The following TRIM8 variants were observed in gnomAD, a reference collection of about 807,000 sequenced individuals.
The protein encoded by TRIM8 is E3 ubiquitin-protein ligase TRIM8.
A neutral mutation model predicts 55.7 loss-of-function variants in TRIM8; 9 were observed. That is an observed-to-expected ratio of 0.16 (90% CI 0.10 to 0.28). The LOEUF (loss-of-function observed/expected upper bound fraction) is 0.28. Ranked by LOEUF, TRIM8 falls within the 10% of genes least tolerant of loss-of-function variation. The pLI is 1.00. For missense variants in TRIM8, 556 were observed against 736.4 expected (o/e 0.76, Z 2.83); for synonymous variants, 335 against 333.3 (o/e 1.01, Z -0.06).
rs1431662769 is a variant in TRIM8 at position 102,656,463 on chromosome 10, G to C, written c.1048+78G>C. The C allele has an allele frequency of 1.1e-5, 17 of 1,538,654 alleles. No homozygotes were observed. The Admixed American group carries it at 3.4e-4, about 30-fold the overall frequency. ...CAGCGCCACAGCCTTCCCTCCAAGAGGCAGTGTGGCCCAGTCTGGGAGACC... is the reference window on the plus strand; with the variant it reads ...CAGCGCCACAGCCTTCCCTCCAAGACGCAGTGTGGCCCAGTCTGGGAGACC... On this transcript the variant is annotated intron_variant, in intron 5 of 5. Transcript: ENST00000643721. The surrounding 1 kb of genome is among the most constrained non-coding windows in gnomAD (Gnocchi z 4.6).
chr10:102,653,672 C>T (rs1240606616), intron 1 of TRIM8: 2 of 152,246 alleles, frequency 1.3e-5, no homozygotes, highest in Non-Finnish European at 2.9e-5. Context: ...TGCCTGGGTC[C>T]CACTGAGGGG....
At chr10:102,650,886 C>T (rs2063979050) in intron 1 of TRIM8, among the ~76,000 whole-genome samples, 1 of 152,164 alleles carries the variant, frequency 6.6e-6, no homozygotes, top group Admixed American at 6.5e-5. Context: ...GTCTTGGCAA[C>T]CTGATTTGCT....
At chr10:102,650,901 C>G (rs1003825370) in intron 1 of TRIM8, among the ~76,000 whole-genome samples, 1 of 152,182 alleles carries the variant, frequency 6.6e-6, no homozygotes, top group Non-Finnish European at 1.5e-5. Context: ...TTTGCTCATT[C>G]GGTGAACTGG....
Position 102,644,481 on chromosome 10 carries a change from A to C in TRIM8, c.-137A>C. On this transcript the variant is annotated 5_prime_UTR_variant, in exon 1 of 6. Transcript: ENST00000643721. ...CTCCTCCGGGGGGCGGGCACGCGGA[A>C]GGCGCTGCTGACTGAGCGACCGTCG... 1 of 724,078 alleles carries C rather than the reference A, an allele frequency of 1.4e-6. No homozygotes were observed. The highest frequency in any genetic ancestry group is 2.1e-6 in the Non-Finnish European group (1 of 484,982). 44.9% of individuals were successfully genotyped at this position (724,078 alleles called of 1,614,324 possible). A position where few individuals can be genotyped will look rare whatever the true frequency, so the allele number is the denominator to read the frequency against.
Position 102,656,178 on chromosome 10 carries a change from G to A in TRIM8, c.932+41G>A. 1 of 1,614,168 alleles carries A rather than the reference G, an allele frequency of 6.2e-7. No homozygotes were observed. The highest frequency in any genetic ancestry group is 2.2e-5 in the East Asian group (1 of 44,882). On this transcript the variant is annotated intron_variant, in intron 4 of 5. Coordinates refer to ENST00000643721, the MANE Select transcript of TRIM8 (RefSeq NM_030912.3). The surrounding 1 kb of genome is among the most constrained non-coding windows in gnomAD (Gnocchi z 4.6). ...TAGCCCTCCCGGGGGCACATCCTGGGGAGGGCAGGGGGGCCAGGCCCATGG... is the reference window on the plus strand; with the variant it reads ...TAGCCCTCCCGGGGGCACATCCTGGAGAGGGCAGGGGGGCCAGGCCCATGG...
intron 1 of TRIM8, 90 bp from the exon 2 acceptor site, chr10:102,654,563 T>G: frequency 9.7e-7 from 1 of 1,032,342 alleles, no homozygotes; most frequent in Non-Finnish European, 1.5e-6. Context: ...GGTCAAAGGA[T>G]CCATAGGATG....
In TRIM8 at chr10:102,656,647, G is replaced by A; in HGVS notation, c.1049-100G>A. On this transcript the variant is annotated intron_variant, in intron 5 of 5. Transcript: ENST00000643721. The surrounding 1 kb of genome is among the most constrained non-coding windows in gnomAD (Gnocchi z 4.6). ...CATCACCTGAGATGTAACATTCTTGGGCCTCTAGGTGTCAATGGTCCCCAG... is the reference window on the plus strand; with the variant it reads ...CATCACCTGAGATGTAACATTCTTGAGCCTCTAGGTGTCAATGGTCCCCAG... 7.4e-6 allele frequency: 11 copies of A among 1,487,090 alleles called. No homozygotes were observed. Among genetic ancestry groups the A allele is most frequent in the Non-Finnish European group, 9.9e-6 (11 of 1,112,558 alleles). The allele number at this position is 1,487,090 out of a possible 1,614,324, so 92.1% of individuals were successfully genotyped here. A position where few individuals can be genotyped will look rare whatever the true frequency, so the allele number is the denominator to read the frequency against.
chr10:102,651,776 C>T (rs1326920101), intron 1 of TRIM8, among the ~76,000 whole-genome samples: 2 of 152,232 alleles, frequency 1.3e-5, no homozygotes, highest in Non-Finnish European at 2.9e-5. Context: ...GGTCAGTGGG[C>T]CTGATGTTCC....
In TRIM8 at chr10:102,657,717, C is replaced by A; in HGVS notation, c.*363C>A. 5.1e-6 allele frequency: 1 copy of A among 194,334 alleles called. No homozygotes were observed. The highest frequency in any genetic ancestry group is 1.3e-4 in the South Asian group (1 of 7,628). The allele number at this position is 194,334 out of a possible 1,614,324, so 12.0% of individuals were successfully genotyped here. On this transcript the variant is annotated 3_prime_UTR_variant, in exon 6 of 6. Coordinates refer to ENST00000643721, the MANE Select transcript of TRIM8 (RefSeq NM_030912.3). ...GAAGGAACCTCGGCTTCCCTGAAAG[C>A]TTGGGGGTCCCACCCTTCTTACCCC...
rs1564717584 is a variant in TRIM8, at chr10:102,644,565, CCCG to C, written c.-52_-50del. On this transcript the variant is annotated 5_prime_UTR_variant, in exon 1 of 6. Transcript: ENST00000643721. ...GGCCTACAGCGGCTCCGGACGGACC[CCCG>C]GGGCTGGGGAGTCGGGGAGGCCTGC... 1.9e-6 allele frequency: 3 copies of C among 1,567,380 alleles called. No homozygotes were observed. The highest frequency in any genetic ancestry group is 2.7e-5 in the African/African-American group (2 of 73,582).
intron 1 of TRIM8, 61 bp downstream of exon 1, chr10:102,645,248 C>T (rs890267789): frequency 9.1e-6 from 13 of 1,426,870 alleles, no homozygotes; most frequent in African/African-American, 1.5e-5. Flanking sequence ...CCCTTCCTCT[C>T]TCCCGCCCCG....
chr10:102,655,193 G>A lies in TRIM8; in HGVS notation c.780G>A (p.Lys260=). Residue 260 remains lysine, a synonymous_variant, in exon 3 of 6, where the codon AAG becomes AAA. Coordinates refer to ENST00000643721, the MANE Select transcript of TRIM8 (RefSeq NM_030912.3). ...AGGTCCTAGACAAGGCCCAGGCCAA[G>A]TTCTGCAGCGAGAACGCAGCGCAGG... ...TVEVLDKAQA[K]FCSENAAQAL... is the part of the protein sequence containing the mutation. The A allele has an allele frequency of 4.3e-6, 7 of 1,609,206 alleles. No homozygotes were observed. Among genetic ancestry groups the A allele is most frequent in the Non-Finnish European group, 5.9e-6 (7 of 1,178,622 alleles).
At chr10:102,653,233 C>T (rs1164438731) in intron 1 of TRIM8, among the ~76,000 whole-genome samples, 1 of 152,194 alleles carries the variant, frequency 6.6e-6, no homozygotes, top group Non-Finnish European at 1.5e-5. Context: ...GAGGGACCTG[C>T]ACAGGCTCAG....
At position 102,656,918 on chromosome 10, in the gene TRIM8, G is replaced by C. The variant is rs763721820; in HGVS notation, c.1220G>C (p.Ser407Thr). 1 of 1,602,560 alleles carries C rather than the reference G, an allele frequency of 6.2e-7. No homozygotes were observed. The highest frequency in any genetic ancestry group is 8.5e-7 in the Non-Finnish European group (1 of 1,173,876). The change falls in exon 6 of 6, where the codon AGC becomes ACC. Residue 407 changes from serine to threonine, a missense_variant. By Grantham distance (58) the Ser-to-Thr change is moderately conservative. This residue lies in a region of TRIM8 where 391 missense variants were observed against 441.0 expected (regional missense o/e 0.89). Coordinates refer to ENST00000643721, the MANE Select transcript of TRIM8 (RefSeq NM_030912.3). The surrounding 1 kb of genome is among the most constrained non-coding windows in gnomAD (Gnocchi z 4.6). The stretch of plus-strand genomic sequence containing the variant: ...CAGTACGGGGCGGCGGGCACAGCCA[G>C]CGGTGAGGGCCAGTCTGGGCAGCCC... The part of the protein sequence containing the change: ...GGQYGAAGTA[S>T]GEGQSGQPLG...
At position 102,656,531 on chromosome 10, in the gene TRIM8, T is replaced by TG; in HGVS notation, c.1048+149dup. 7.3e-7 allele frequency: 1 copy of TG among 1,375,688 alleles called. No individual in the cohort carries two copies. Among genetic ancestry groups the TG allele is most frequent in the Admixed American group, 2.6e-5 (1 of 38,712 alleles). 85.2% of individuals were successfully genotyped at this position (1,375,688 alleles called of 1,614,324 possible). A position where few individuals can be genotyped will look rare whatever the true frequency, so the allele number is the denominator to read the frequency against. On this transcript the variant is annotated intron_variant, in intron 5 of 5. Transcript: ENST00000643721. This position sits in a 1 kb window ranked among gnomAD's most constrained non-coding sequence, Gnocchi z 4.6. The stretch of plus-strand genomic sequence containing the variant: ...TTTGCCACTTGTAGCTGTGGGACAG[T>TG]GGGTAAGCAACATGACCTCCCCAGC...
In TRIM8 at chr10:102,657,331, A is replaced by G. The variant is rs1219925614; in HGVS notation, c.1633A>G (p.Thr545Ala). Residue 545 changes from threonine to alanine, a missense_variant, in exon 6 of 6, where the codon ACC becomes GCC. Transcript: ENST00000643721. ...DFYRVYGQPS[T>A]KHYVTS ...CTACAGGGTGTATGGGCAGCCGTCC[A>G]CCAAACACTACGTGACGAGCTAACG... 1.4e-5 allele frequency: 23 copies of G among 1,595,382 alleles called. No individual in the cohort carries two copies. Among genetic ancestry groups the G allele is most frequent in the Non-Finnish European group, 2.0e-5 (23 of 1,168,580 alleles).
Position 102,655,118 on chromosome 10 carries a change from G to A in TRIM8, c.705G>A (p.Gln235=). 6 of 1,612,858 alleles carry A rather than the reference G, an allele frequency of 3.7e-6. No individual in the cohort carries two copies. The highest frequency in any genetic ancestry group is 5.1e-6 in the Non-Finnish European group (6 of 1,179,652). Residue 235 remains glutamine, a synonymous_variant, in exon 3 of 6, where the codon CAG becomes CAA. Transcript: ENST00000643721. ...VNQLKEEVRL[Q]YEKLHQLLDE... is the part of the protein sequence containing the mutation. ...AACTGAAGGAGGAAGTTCGGCTGCA[G>A]TACGAGAAGCTGCACCAGCTGCTGG...
chr10:102,656,352 A>G lies in TRIM8; in HGVS notation c.1015A>G (p.Lys339Glu). ...NSKLFLNEVA[K>E]KEKQLRKMLE... ...CAAGCTCTTCCTGAACGAAGTGGCCAAGAAGGAGAAGCAGCTGCGGAAAAT... is the reference window on the plus strand; with the variant it reads ...CAAGCTCTTCCTGAACGAAGTGGCCGAGAAGGAGAAGCAGCTGCGGAAAAT... Residue 339 changes from lysine to glutamate, a missense_variant, in exon 5 of 6, where the codon AAG (lysine) becomes GAG (glutamate). Physicochemically the swap from Lys to Glu is moderately conservative, Grantham distance 56 (BLOSUM62 1). Coordinates refer to ENST00000643721, the MANE Select transcript of TRIM8 (RefSeq NM_030912.3). This position sits in a 1 kb window ranked among gnomAD's most constrained non-coding sequence, Gnocchi z 4.6. 6.2e-7 allele frequency: 1 copy of G among 1,614,004 alleles called. No individual in the cohort carries two copies. The highest frequency in any genetic ancestry group is 8.5e-7 in the Non-Finnish European group (1 of 1,179,958).
At chr10:102,649,823 G>T (rs1266179093) in intron 1 of TRIM8, among the ~76,000 whole-genome samples, 1 of 152,214 alleles carries the variant, frequency 6.6e-6, no homozygotes, top group East Asian at 1.9e-4. Flanking sequence ...TGGAAAGGGG[G>T]TTTAGGGCAG....
Sources: allele counts gnomAD v4.1 joint callset (sites outside exome capture counted in the v4.1 genomes callset), GRCh38; gene constraint gnomAD v4.1.1; regional missense constraint gnomAD v4.1.1; non-coding constraint Gnocchi (gnomAD v3.1); transcripts MANE v1.5; gene names NCBI Gene and HGNC (gene_info 2026-07-23, HGNC 2026-07-21).